The following ARHGAP8 variants were observed in gnomAD, a reference collection of about 807,000 sequenced individuals.
The protein encoded by ARHGAP8 is Rho GTPase activating protein 8.
Under a neutral mutation model 46.1 loss-of-function variants are expected in ARHGAP8, and 62 were observed. The observed-to-expected ratio is 1.34, with a 90% CI of 1.10 to 1.66. The LOEUF (loss-of-function observed/expected upper bound fraction) is 1.66. ARHGAP8 is among the 40% of genes most tolerant of loss of function. ARHGAP8 has a pLI of 0.00. For missense variants in ARHGAP8, 923 were observed against 568.4 expected (o/e 1.62, Z -6.34); for synonymous variants, 375 against 243.1 (o/e 1.54, Z -5.05).
At chr22:44,859,648 CACCCCTGT>C in intron 10 of ARHGAP8, 75 bp from the exon 11 acceptor site, 1 of 1,467,546 alleles carries the variant, frequency 6.8e-7, no homozygotes, top group African/African-American at 1.4e-5. Flanking sequence ...GTCCTTCCTA[CACCCCTGT>C]TCTCCTCCCG....
Position 44,859,790 on chromosome 22 carries a change from C to T in ARHGAP8, c.937C>T (p.His313Tyr). ...CRQILRSLPE[H>Y]NYVVLRYLMG... Reference sequence around the variant, plus strand: ...CCAGATCTTACGGAGCCTCCCAGAGCACAACTACGTCGTCCTCCGCTACCT... The same window carrying T: ...CCAGATCTTACGGAGCCTCCCAGAGTACAACTACGTCGTCCTCCGCTACCT... Residue 313 changes from histidine to tyrosine, a missense_variant, in exon 11 of 12, where the codon CAC becomes TAC. His to Tyr is a moderately conservative substitution (Grantham distance 83). Coordinates refer to ENST00000356099, the MANE Select transcript of ARHGAP8 (RefSeq NM_181335.3). The T allele has an allele frequency of 1.2e-6, 2 of 1,614,116 alleles. No homozygotes were observed. The highest frequency in any genetic ancestry group is 1.1e-5 in the South Asian group (1 of 91,086).
At position 44,792,792 on chromosome 22, in the gene ARHGAP8, A is replaced by AGTGGTG. The variant is rs756818869; in HGVS notation, c.79+6201_79+6206dup. Reference sequence around the variant, plus strand: ...TTTGTAGAATTTTGACACTAACGACAGTGGTGGTGGTGGTGGTGGTTTTTT... The same window carrying AGTGGTG: ...TTTGTAGAATTTTGACACTAACGACAGTGGTGGTGGTGGTGGTGGTGGTGGTTTTTT... On this transcript the variant is annotated intron_variant, in intron 2 of 11. Coordinates refer to ENST00000356099, the MANE Select transcript of ARHGAP8 (RefSeq NM_181335.3). Among the ~76,000 whole-genome samples the AGTGGTG allele has an allele frequency of 1.1e-3, 97 of 91,952 alleles. 2 individuals carry two copies. The highest frequency in any genetic ancestry group is 3.8e-3 in the African/African-American group (83 of 21,668). 60.3% of individuals were successfully genotyped at this position (91,952 alleles called of 152,430 possible).
intron 5 of ARHGAP8, among the ~76,000 whole-genome samples, chr22:44,816,799 G>A (rs1305685154): frequency 2.7e-5 from 3 of 110,790 alleles, no homozygotes; most frequent in Non-Finnish European, 4.9e-5. Context: ...GCAAGACCCT[G>A]TCTCAAAAAA....
intron 1 of ARHGAP8, among the ~76,000 whole-genome samples, chr22:44,758,964 A>G (rs1264837961): frequency 6.6e-6 from 1 of 152,186 alleles, no homozygotes; most frequent in East Asian, 1.9e-4. Flanking sequence ...GAGAAGAGAA[A>G]GCCCAGTGTG....
rs148260966 is a variant in ARHGAP8, at chr22:44,856,899, T to TCG, written c.878-2828_878-2827dup. Among the ~76,000 whole-genome samples, 384 of 142,712 alleles carry TCG rather than the reference T, an allele frequency of 2.7e-3. 36 individuals are homozygous for TCG. In the East Asian group the frequency reaches 0.042, roughly 16 times the overall value. The allele number at this position is 142,712 out of a possible 152,430, so 93.6% of individuals were successfully genotyped here. A position where few individuals can be genotyped will look rare whatever the true frequency, so the allele number is the denominator to read the frequency against. On this transcript the variant is annotated intron_variant, in intron 10 of 11. Coordinates refer to ENST00000356099, the MANE Select transcript of ARHGAP8 (RefSeq NM_181335.3). Reference sequence around the variant, plus strand: ...AGAGACTTTGACCACCCTCACACAGTCGCGCTGCAGACAGAAATCTGGGAG... The same window carrying TCG: ...AGAGACTTTGACCACCCTCACACAGTCGCGCGCTGCAGACAGAAATCTGGGAG...
At position 44,862,527 on chromosome 22, in the gene ARHGAP8, C is replaced by A. The variant is rs368545557; in HGVS notation, c.1234C>A (p.Gln412Lys). 1.2e-6 allele frequency: 2 copies of A among 1,611,290 alleles called. No homozygotes were observed. The highest frequency in any genetic ancestry group is 1.7e-5 in the Admixed American group (1 of 59,906). ...APLQEAVPRT[Q>K]ATGLTKPTLP... ...TTTGCAGGAGGCTGTGCCACGGACA[C>A]AAGCCACGGGCCTCACCAAGCCTAC... The change falls in exon 12 of 12, where the codon CAA (glutamine) becomes AAA (lysine). Residue 412 changes from glutamine to lysine, a missense_variant. Transcript: ENST00000356099.
rs8141763 is a variant in ARHGAP8 at position 44,782,344 on chromosome 22, A to G, written c.-71-4113A>G. 4.0e-3 allele frequency among the ~76,000 whole-genome samples: 610 copies of G among 152,338 alleles called. 1 individual carries two copies. The highest frequency in any genetic ancestry group is 0.014 in the African/African-American group (563 of 41,576). ...AAAGTGAGACTCCATCTCAAAAAATAAAAAATAAATGAAAAGAATAAATTA... is the reference window on the plus strand; with the variant it reads ...AAAGTGAGACTCCATCTCAAAAAATGAAAAATAAATGAAAAGAATAAATTA... On this transcript the variant is annotated intron_variant, in intron 1 of 11. Transcript: ENST00000356099.
chr22:44,831,607 G>C (rs1367602869), intron 7 of ARHGAP8, among the ~76,000 whole-genome samples: 1 of 152,186 alleles, frequency 6.6e-6, no homozygotes, highest in Non-Finnish European at 1.5e-5. Flanking sequence ...ACTGAGACAG[G>C]AGAATCGCTT....
chr22:44,803,661 ATGCACACACCCCCTCCCG>A (rs1204320354), intron 3 of ARHGAP8, among the ~76,000 whole-genome samples: 12 of 30,240 alleles, frequency 4.0e-4, no homozygotes, highest in South Asian at 1.1e-3. Flanking sequence ...ACCCCCTCCC[ATGCACACACCCCCTCCCG>A]TGCACACACC....
intron 2 of ARHGAP8, among the ~76,000 whole-genome samples, chr22:44,799,331 A>G (rs1928318896): frequency 6.6e-6 from 1 of 152,228 alleles, no homozygotes; most frequent in Non-Finnish European, 1.5e-5. Context: ...GCTCACAGCC[A>G]GAGGAGCTGC....
At chr22:44,859,889 C>G (rs11704168) in intron 11 of ARHGAP8, 55 bp downstream of exon 11, 5 of 1,587,400 alleles carry the variant, frequency 3.1e-6, no homozygotes, top group Non-Finnish European at 4.3e-6. Context: ...CCCTCCCATG[C>G]TGGGCCCGCA....
rs200246798 is a variant in ARHGAP8 at position 44,786,482 on chromosome 22, G to A, written c.-46G>A. The A allele has an allele frequency of 6.2e-6, 10 of 1,609,432 alleles. No homozygotes were observed. The highest frequency in any genetic ancestry group is 3.4e-5 in the Admixed American group (2 of 59,506). On this transcript the variant is annotated 5_prime_UTR_variant, in exon 2 of 12. Coordinates refer to ENST00000356099, the MANE Select transcript of ARHGAP8 (RefSeq NM_181335.3). ...AGCTGCAGAGAGACAAGGCGGCGGC[G>A]GCTGCTGTGCTGGGTGCAGTGAGGA...
At chr22:44,780,084 T>C (rs1346607963) in intron 1 of ARHGAP8, among the ~76,000 whole-genome samples, 1 of 152,170 alleles carries the variant, frequency 6.6e-6, no homozygotes, top group African/African-American at 2.4e-5. Context: ...CTGGCCGGCA[T>C]AGCTAATGTA....
At chr22:44,816,818 A>G (rs2147107044) in intron 5 of ARHGAP8, among the ~76,000 whole-genome samples, 1 of 151,160 alleles carries the variant, frequency 6.6e-6, no homozygotes, top group South Asian at 2.1e-4. Flanking sequence ...AAAAAAAAAA[A>G]AAAAAAGAAC....
At chr22:44,771,439 G>C (rs1320837444) in intron 1 of ARHGAP8, among the ~76,000 whole-genome samples, 1 of 151,622 alleles carries the variant, frequency 6.6e-6, no homozygotes, top group Admixed American at 6.6e-5. Context: ...TAGAGATGTG[G>C]TTTCACCATG....
intron 1 of ARHGAP8, among the ~76,000 whole-genome samples, chr22:44,753,401 A>G (rs2882259): frequency 0.72 from 108,461 of 151,448 alleles, 39,317 homozygotes; most frequent in African/African-American, 0.81. Context: ...TTGTATTTTT[A>G]GTACAGACAG....
intron 2 of ARHGAP8, among the ~76,000 whole-genome samples, chr22:44,789,394 G>A (rs987977471): frequency 2.4e-4 from 37 of 151,988 alleles, no homozygotes; most frequent in East Asian, 1.9e-4. Context: ...CAGGTGATCC[G>A]CCCGCCTCAG....
At position 44,862,523 on chromosome 22, in the gene ARHGAP8, G is replaced by T; in HGVS notation, c.1230G>T (p.Arg410=). 2.7e-5 allele frequency: 44 copies of T among 1,611,890 alleles called. No individual in the cohort carries two copies. Among genetic ancestry groups the T allele is most frequent in the Non-Finnish European group, 3.7e-5 (44 of 1,178,388 alleles). The change falls in exon 12 of 12, where the codon CGG becomes CGT. Residue 410 remains arginine (R), a synonymous_variant. Coordinates refer to ENST00000356099, the MANE Select transcript of ARHGAP8 (RefSeq NM_181335.3). ...CCCCTTTGCAGGAGGCTGTGCCACG[G>T]ACACAAGCCACGGGCCTCACCAAGC... is the stretch of plus-strand genomic sequence containing the variant. The part of the protein sequence containing the change: ...RAAPLQEAVP[R]TQATGLTKPT...
intron 1 of ARHGAP8, among the ~76,000 whole-genome samples, chr22:44,770,439 T>C (rs1352122728): frequency 6.6e-6 from 1 of 151,974 alleles, no homozygotes; most frequent in Admixed American, 6.6e-5. Context: ...AGTGTCTCTC[T>C]GTATCACCCA....
Sources: gnomAD v4.1 joint callset for allele counts (sites outside exome capture counted in the v4.1 genomes callset) on GRCh38, gnomAD v4.1.1 for gene constraint, MANE v1.5 for transcripts, NCBI Gene and HGNC (gene_info 2026-07-23, HGNC 2026-07-21) for gene names.